The following B3GALT1 variants were observed in gnomAD, a reference collection of about 807,000 sequenced individuals.
B3GALT1 encodes the protein beta-1,3-galactosyltransferase 1.
B3GALT1 carries 10 observed loss-of-function variants against 23.2 expected under a neutral mutation model. The ratio of observed to expected loss-of-function variants is 0.43; its 90% CI spans 0.27 to 0.73. The LOEUF (loss-of-function observed/expected upper bound fraction) is 0.73, where lower values mean the gene tolerates loss of function less well. Among genes scored for constraint, B3GALT1 ranks in the 30% least tolerant of loss-of-function variants. The pLI, the probability that B3GALT1 is intolerant of heterozygous loss-of-function variation, is 0.21. For synonymous variants in B3GALT1, 156 were observed against 141.5 expected (o/e 1.10, Z -0.73); for missense variants, 299 against 405.4 (o/e 0.74, Z 2.25).
intron 3 of B3GALT1, among the ~76,000 whole-genome samples, chr2:167,727,877 G>T (rs1687344680): frequency 6.6e-6 from 1 of 152,170 alleles, no homozygotes; most frequent in South Asian, 2.1e-4. Context: ...ATGGATGAAA[G>T]TTAAACAGCT....
intron 1 of B3GALT1, among the ~76,000 whole-genome samples, chr2:167,412,626 T>C (rs1698409356): frequency 6.6e-6 from 1 of 152,158 alleles, no homozygotes; most frequent in African/African-American, 2.4e-5. Flanking sequence ...CTTTCATTCA[T>C]TGATAATGAG....
At chr2:167,653,386 A>G (rs574024579) in intron 3 of B3GALT1, among the ~76,000 whole-genome samples, 21 of 152,244 alleles carry the variant, frequency 1.4e-4, no homozygotes, top group African/African-American at 4.8e-4. Flanking sequence ...CGAAAATTCC[A>G]TGAGTTCTTT....
At chr2:167,331,657 T>C (rs192695455) in intron 1 of B3GALT1, among the ~76,000 whole-genome samples, 28 of 152,142 alleles carry the variant, frequency 1.8e-4, no homozygotes, top group Admixed American at 1.8e-3. Context: ...CTGGATGGTA[T>C]GCTGTAGTAT....
At chr2:167,510,992 A>G (rs2105354078) in intron 2 of B3GALT1, among the ~76,000 whole-genome samples, 1 of 152,188 alleles carries the variant, frequency 6.6e-6, no homozygotes, top group East Asian at 1.9e-4. Flanking sequence ...TCAATAAAAA[A>G]AGAGAAAGTA....
intron 1 of B3GALT1, among the ~76,000 whole-genome samples, chr2:167,378,111 T>A (rs1697792943): frequency 6.6e-6 from 1 of 152,202 alleles, no homozygotes; most frequent in Non-Finnish European, 1.5e-5. Context: ...AAGTTCTTCG[T>A]TGGAATTTCC....
At chr2:167,718,667 CTG>C (rs1404801517) in intron 3 of B3GALT1, among the ~76,000 whole-genome samples, 1 of 152,094 alleles carries the variant, frequency 6.6e-6, no homozygotes, top group African/African-American at 2.4e-5. Flanking sequence ...AACAGGAAAA[CTG>C]TGTGTTTTTA....
chr2:167,746,980 G>T (rs1453362917), intron 3 of B3GALT1, among the ~76,000 whole-genome samples: 1 of 152,098 alleles, frequency 6.6e-6, no homozygotes, highest in Non-Finnish European at 1.5e-5. Context: ...GCCCTATGTT[G>T]CTGCCCTTTT....
At chr2:167,425,819 A>G (rs1171551690) in intron 1 of B3GALT1, among the ~76,000 whole-genome samples, 1 of 152,226 alleles carries the variant, frequency 6.6e-6, no homozygotes. Context: ...CAGGAGATGC[A>G]TGTGCGAAAC....
chr2:167,298,856 A>AT (rs112367069), intron 1 of B3GALT1, among the ~76,000 whole-genome samples: 138 of 149,994 alleles, frequency 9.2e-4, no homozygotes, highest in African/African-American at 2.3e-3. Flanking sequence ...AAGCTACTGC[A>AT]TTTTTTTTTT....
chr2:167,775,439 C>T (rs973750975), intron 3 of B3GALT1, among the ~76,000 whole-genome samples: 5 of 151,720 alleles, frequency 3.3e-5, no homozygotes, highest in East Asian at 2.0e-4. Context: ...TGTGGTGGCG[C>T]GTGCCTGTAG....
intron 1 of B3GALT1, among the ~76,000 whole-genome samples, chr2:167,404,960 C>T (rs533484203): frequency 3.9e-5 from 6 of 152,060 alleles, no homozygotes; most frequent in Non-Finnish European, 7.4e-5. Flanking sequence ...TTTGCTGTTA[C>T]GAGCACAGGA....
intron 1 of B3GALT1, among the ~76,000 whole-genome samples, chr2:167,387,553 A>G (rs762788086): frequency 3.9e-5 from 6 of 152,234 alleles, no homozygotes; most frequent in Non-Finnish European, 7.3e-5. Context: ...ATTTAACTCA[A>G]CATTATCTTC....
chr2:167,580,964 AACTC>A (rs1195573839), intron 2 of B3GALT1, among the ~76,000 whole-genome samples: 2 of 152,152 alleles, frequency 1.3e-5, no homozygotes, highest in African/African-American at 4.8e-5. Context: ...ATTTGGGAGA[AACTC>A]AGAATGGCCT....
chr2:167,566,277 C>T (rs1331791541), intron 2 of B3GALT1, among the ~76,000 whole-genome samples: 2 of 151,656 alleles, frequency 1.3e-5, no homozygotes, highest in South Asian at 2.1e-4. Flanking sequence ...CGCATGTTCT[C>T]ACTCATAGAT....
At chr2:167,295,113 AGTGAT>A (rs951363697) in intron 1 of B3GALT1, among the ~76,000 whole-genome samples, 4 of 152,208 alleles carry the variant, frequency 2.6e-5, no homozygotes, top group Non-Finnish European at 5.9e-5. Context: ...ATAAACTAGT[AGTGAT>A]GTTAGTTTTG....
rs146253362 is a variant in B3GALT1, at chr2:167,678,263, G to A, written c.-352+31297G>A. Reference sequence around the variant, plus strand: ...CTGCTGTTGATAGATAGTTTCCACTGTACTGGGGCTGTTCGATCCACTTTC... The same window carrying A: ...CTGCTGTTGATAGATAGTTTCCACTATACTGGGGCTGTTCGATCCACTTTC... On this transcript the variant is annotated intron_variant, in intron 3 of 4. Coordinates refer to ENST00000392690, the MANE Select transcript of B3GALT1 (RefSeq NM_020981.4). Among the ~76,000 whole-genome samples the A allele has an allele frequency of 3.5e-3, 533 of 152,234 alleles. 2 individuals are homozygous for A. Among genetic ancestry groups the A allele is most frequent in the South Asian group, 9.3e-3 (45 of 4,818 alleles).
chr2:167,438,491 A>G (rs1197643485), intron 1 of B3GALT1, among the ~76,000 whole-genome samples: 1 of 152,204 alleles, frequency 6.6e-6, no homozygotes, highest in Admixed American at 6.6e-5. Flanking sequence ...TTAATGTCTT[A>G]TTGGGATTTT....
At chr2:167,337,827 T>C (rs1444707485) in intron 1 of B3GALT1, among the ~76,000 whole-genome samples, 1 of 152,196 alleles carries the variant, frequency 6.6e-6, no homozygotes, top group South Asian at 2.1e-4. Context: ...AGCAATCATT[T>C]GTATGCATTT....
At chr2:167,542,194 T>C (rs903665124) in intron 2 of B3GALT1, among the ~76,000 whole-genome samples, 2 of 152,160 alleles carry the variant, frequency 1.3e-5, no homozygotes, top group Non-Finnish European at 2.9e-5. Flanking sequence ...TTCTGCCTGA[T>C]AGAAAGGAAA....
Sources: allele counts gnomAD v4.1 joint callset (sites outside exome capture counted in the v4.1 genomes callset), GRCh38; gene constraint gnomAD v4.1.1; transcripts MANE v1.5; gene names NCBI Gene and HGNC (gene_info 2026-07-23, HGNC 2026-07-21).